TAFA5: variants seen among roughly 807,000 people sequenced by gnomAD.
TAFA5 encodes the protein chemokine-like protein TAFA-5.
TAFA5 carries 6 observed loss-of-function variants against 15.3 expected under a neutral mutation model. The observed-to-expected ratio is 0.39, with a 90% CI of 0.21 to 0.77. The LOEUF (loss-of-function observed/expected upper bound fraction) is 0.77, where lower values mean the gene tolerates loss of function less well. Among genes scored for constraint, TAFA5 ranks in the 30% least tolerant of loss-of-function variants. The probability of loss-of-function intolerance (pLI) is 0.41; values close to 1 mark genes in which losing one functional copy is unlikely to be tolerated. For synonymous variants in TAFA5, 103 were observed against 80.7 expected (o/e 1.28, Z -1.48); for missense variants, 161 against 193.1 (o/e 0.83, Z 0.98).
At chr22:48,611,121 G>A (rs552268902) in intron 1 of TAFA5, among the ~76,000 whole-genome samples, 1 of 152,282 alleles carries the variant, frequency 6.6e-6, no homozygotes, top group Admixed American at 6.5e-5. Flanking sequence ...ATTCAGTAGA[G>A]ACGGGGTTTC....
intron 1 of TAFA5, among the ~76,000 whole-genome samples, chr22:48,632,074 G>A (rs182296079): frequency 4.4e-4 from 67 of 152,348 alleles, no homozygotes; most frequent in Admixed American, 4.0e-3. Context: ...ATTCTCCAGG[G>A]CCTAGGCCGG....
intron 1 of TAFA5, among the ~76,000 whole-genome samples, chr22:48,517,145 C>T (rs1339372732): frequency 6.6e-6 from 1 of 152,166 alleles, no homozygotes; most frequent in Non-Finnish European, 1.5e-5. Flanking sequence ...AGCTCCTGCT[C>T]TCCCAGACCT....
chr22:48,704,178 AACAC>A (rs1442658985), intron 2 of TAFA5, among the ~76,000 whole-genome samples: 1 of 140,000 alleles, frequency 7.1e-6, no homozygotes, highest in African/African-American at 2.8e-5. Context: ...GTGCTAGAGA[AACAC>A]ACCCTCAACA....
At chr22:48,578,637 C>T (rs1435348610) in intron 1 of TAFA5, among the ~76,000 whole-genome samples, 1 of 152,174 alleles carries the variant, frequency 6.6e-6, no homozygotes, top group Non-Finnish European at 1.5e-5. Flanking sequence ...TTTGGAGGAG[C>T]GATTGCGGGT....
At chr22:48,704,196 A>G (rs933265229) in intron 2 of TAFA5, among the ~76,000 whole-genome samples, 27 of 128,118 alleles carry the variant, frequency 2.1e-4, no homozygotes, top group South Asian at 1.6e-3. Flanking sequence ...CTCAACACAC[A>G]CGCGCACACA....
chr22:48,636,161 G>A lies in TAFA5; in HGVS notation c.113-10436G>A, dbSNP rs139108070. Among the ~76,000 whole-genome samples the A allele has an allele frequency of 3.7e-3, 571 of 152,336 alleles. 4 individuals carry two copies. The highest frequency in any genetic ancestry group is 0.013 in the African/African-American group (540 of 41,582). On this transcript the variant is annotated intron_variant, in intron 1 of 3. Coordinates refer to ENST00000402357, the MANE Select transcript of TAFA5 (RefSeq NM_001082967.3). ...AGTGGGGACACAGGGAGGTGTTGCC[G>A]TCAGCTGGCCAGGTCGCTTCAGTTG...
At chr22:48,624,945 C>T (rs1925975741) in intron 1 of TAFA5, among the ~76,000 whole-genome samples, 1 of 151,974 alleles carries the variant, frequency 6.6e-6, no homozygotes, top group African/African-American at 2.4e-5. Flanking sequence ...ACTAACAATA[C>T]AAAAACAAAC....
chr22:48,536,334 G>A (rs781617797), intron 1 of TAFA5, among the ~76,000 whole-genome samples: 3 of 152,248 alleles, frequency 2.0e-5, no homozygotes, highest in Non-Finnish European at 4.4e-5. Context: ...GGCAAGCCGG[G>A]AAACAAGTGG....
In TAFA5 at chr22:48,560,130, A is replaced by G. The variant is rs1291334419; in HGVS notation, c.112+70426A>G. 6.6e-6 allele frequency among the ~76,000 whole-genome samples: 1 copy of G among 152,178 alleles called. No individual in the cohort carries two copies. Among genetic ancestry groups the G allele is most frequent in the Non-Finnish European group, 1.5e-5 (1 of 68,006 alleles). On this transcript the variant is annotated intron_variant, in intron 1 of 3. Transcript: ENST00000402357. The surrounding 1 kb of genome is among the most constrained non-coding windows in gnomAD (Gnocchi z 4.2). ...GGACCTCCACGTGCCGTCCCATGGG[A>G]AAGCCGAGTCCTTGTAGGGGAGGAG...
chr22:48,659,403 G>A (rs1927355492), intron 2 of TAFA5, among the ~76,000 whole-genome samples: 1 of 152,242 alleles, frequency 6.6e-6, no homozygotes, highest in Admixed American at 6.5e-5. Context: ...CAGAGAGGCT[G>A]GACCTCATGG....
At chr22:48,699,055 C>T (rs2147244600) in intron 2 of TAFA5, among the ~76,000 whole-genome samples, 1 of 151,832 alleles carries the variant, frequency 6.6e-6, no homozygotes, top group East Asian at 2.0e-4. Flanking sequence ...GATTCCCCTG[C>T]CTCGGCCTCC....
chr22:48,603,800 G>C (rs1008842634), intron 1 of TAFA5, among the ~76,000 whole-genome samples: 10 of 152,186 alleles, frequency 6.6e-5, no homozygotes, highest in Admixed American at 2.6e-4. Flanking sequence ...TCTCTGGCCA[G>C]GCAGACTTGG....
intron 3 of TAFA5, among the ~76,000 whole-genome samples, chr22:48,728,222 C>T (rs1370776491): frequency 6.6e-6 from 1 of 152,168 alleles, no homozygotes; most frequent in Non-Finnish European, 1.5e-5. Context: ...TGCACCAGCC[C>T]TCTTTTCCAG....
intron 2 of TAFA5, among the ~76,000 whole-genome samples, chr22:48,702,653 G>A (rs771964318): frequency 6.6e-6 from 1 of 152,198 alleles, no homozygotes; most frequent in African/African-American, 2.4e-5. Flanking sequence ...TTCAGTCACC[G>A]TCACTCACGC....
chr22:48,591,446 C>G (rs1342396641), intron 1 of TAFA5, among the ~76,000 whole-genome samples: 1 of 152,252 alleles, frequency 6.6e-6, no homozygotes, highest in Non-Finnish European at 1.5e-5. Flanking sequence ...CTTGCGATGC[C>G]TCAGTTGCCT....
intron 1 of TAFA5, among the ~76,000 whole-genome samples, chr22:48,538,086 A>G (rs751297651): frequency 2.6e-4 from 40 of 152,258 alleles, no homozygotes; most frequent in Admixed American, 2.6e-4. Context: ...GCCTGCTTTT[A>G]TATTGCCAGG....
chr22:48,741,674 G>A (rs1224431217), intron 3 of TAFA5, among the ~76,000 whole-genome samples: 1 of 151,984 alleles, frequency 6.6e-6, no homozygotes, highest in Non-Finnish European at 1.5e-5. Flanking sequence ...ACACAGGGCT[G>A]AGCCTGTGCA....
At chr22:48,509,734 G>A (rs923876042) in intron 1 of TAFA5, among the ~76,000 whole-genome samples, 2 of 152,094 alleles carry the variant, frequency 1.3e-5, no homozygotes, top group South Asian at 2.1e-4. Flanking sequence ...GGCGGATCAC[G>A]AGGTCAGAAG....
chr22:48,717,753 G>A (rs139137174), intron 3 of TAFA5, among the ~76,000 whole-genome samples: 171 of 152,316 alleles, frequency 1.1e-3, no homozygotes, highest in African/African-American at 3.8e-3. Flanking sequence ...AGCCACACGG[G>A]GGTGATCATC....
Sources: gnomAD v4.1 joint callset for allele counts (sites outside exome capture counted in the v4.1 genomes callset) on GRCh38, gnomAD v4.1.1 for gene constraint, Gnocchi (gnomAD v3.1) non-coding constraint, MANE v1.5 for transcripts, NCBI Gene and HGNC (gene_info 2026-07-23, HGNC 2026-07-21) for gene names.